The following NR6A1 variants were observed in gnomAD, a reference collection of about 807,000 sequenced individuals.
The protein encoded by NR6A1 is nuclear receptor subfamily 6 group A member 1, also known as retinoic acid receptor-related testis-associated receptor.
NR6A1 carries 7 observed loss-of-function variants against 59.1 expected under a neutral mutation model. The ratio of observed to expected loss-of-function variants is 0.12; its 90% CI spans 0.07 to 0.22. The LOEUF is 0.22. Among genes scored for constraint, NR6A1 ranks in the 10% least tolerant of loss-of-function variants. NR6A1 has a pLI of 1.00. For synonymous variants in NR6A1, 243 were observed against 236.1 expected, an observed-to-expected ratio of 1.03 and a Z score of -0.27; for missense variants, 468 against 611.6, an observed-to-expected ratio of 0.77 and a Z score of 2.48.
intron 2 of NR6A1, among the ~76,000 whole-genome samples, chr9:124,620,004 T>A (rs2130858879): frequency 6.6e-6 from 1 of 152,294 alleles, no homozygotes; most frequent in East Asian, 1.9e-4. Flanking sequence ...GAGGTTGCAG[T>A]GAGCCAAGAT....
chr9:124,522,660 C>T lies in NR6A1; in HGVS notation c.*45G>A. 2 of 1,492,516 alleles carry T rather than the reference C, an allele frequency of 1.3e-6. No individual in the cohort carries two copies. The highest frequency in any genetic ancestry group is 1.2e-5 in the South Asian group (1 of 82,362). The allele number at this position is 1,492,516 out of a possible 1,614,324, so 92.5% of individuals were successfully genotyped here. On this transcript the variant is annotated 3_prime_UTR_variant, in exon 10 of 10. Transcript: ENST00000487099. The stretch of plus-strand genomic sequence containing the variant: ...TTTTCCCTCCAGAGCCTGTCCTGCC[C>T]ACCCAAGACGCTGTGGTTGGCCTGA...
At chr9:124,729,063 G>C (rs1839809512) in intron 2 of NR6A1, among the ~76,000 whole-genome samples, 1 of 151,970 alleles carries the variant, frequency 6.6e-6, no homozygotes, top group Non-Finnish European at 1.5e-5. Context: ...TTGTTTAGTG[G>C]GAAAAAAACT....
At chr9:124,662,472 G>A (rs1346333346) in intron 2 of NR6A1, among the ~76,000 whole-genome samples, 6 of 152,136 alleles carry the variant, frequency 3.9e-5, no homozygotes, top group Middle Eastern at 3.4e-3. Context: ...TATATAGAAC[G>A]GCTCGCAGTG....
chr9:124,701,103 G>A (rs1344133102), intron 2 of NR6A1, among the ~76,000 whole-genome samples: 3 of 152,090 alleles, frequency 2.0e-5, no homozygotes, highest in African/African-American at 7.2e-5. Context: ...AATTCTCTTG[G>A]ATATCCAGGA....
At chr9:124,657,070 T>C (rs1487703615) in intron 2 of NR6A1, among the ~76,000 whole-genome samples, 1 of 151,984 alleles carries the variant, frequency 6.6e-6, no homozygotes, top group Non-Finnish European at 1.5e-5. Flanking sequence ...TTATGTTACA[T>C]ATACCTTACC....
chr9:124,683,422 A>C (rs922851533), intron 2 of NR6A1, among the ~76,000 whole-genome samples: 3 of 152,214 alleles, frequency 2.0e-5, no homozygotes, highest in Admixed American at 2.0e-4. Flanking sequence ...AGTAATTACA[A>C]TAATAGTAAC....
chr9:124,539,895 C>G, intron 5 of NR6A1, 138 bp downstream of exon 5: 1 of 965,234 alleles, frequency 1.0e-6, no homozygotes, highest in East Asian at 2.5e-5. Context: ...CTTCCTGACC[C>G]CTACTCCAAG....
intron 2 of NR6A1, among the ~76,000 whole-genome samples, chr9:124,584,415 T>A (rs947800188): frequency 9.9e-5 from 15 of 152,068 alleles, no homozygotes; most frequent in Admixed American, 2.0e-4. Flanking sequence ...CTTTATTGCA[T>A]TTTTTACAAA....
intron 2 of NR6A1, among the ~76,000 whole-genome samples, chr9:124,557,887 T>C (rs1251035400): frequency 6.6e-6 from 1 of 152,204 alleles, no homozygotes; most frequent in Non-Finnish European, 1.5e-5. Context: ...TTATAATGAA[T>C]ATATCCACAA....
intron 2 of NR6A1, among the ~76,000 whole-genome samples, chr9:124,612,818 TTTTC>T (rs1554733289): frequency 7.2e-6 from 1 of 139,716 alleles, no homozygotes; most frequent in African/African-American, 2.7e-5. Context: ...TCTTTCTTTC[TTTTC>T]TTTCTTTCTT....
At chr9:124,719,893 C>G (rs1839517095) in intron 2 of NR6A1, among the ~76,000 whole-genome samples, 2 of 152,030 alleles carry the variant, frequency 1.3e-5, no homozygotes, top group African/African-American at 2.4e-5. Flanking sequence ...TGCACTCCAG[C>G]CTGGGTGACA....
chr9:124,705,491 G>A (rs1427303072), intron 2 of NR6A1, among the ~76,000 whole-genome samples: 1 of 152,052 alleles, frequency 6.6e-6, no homozygotes, highest in Non-Finnish European at 1.5e-5. Flanking sequence ...CATTAATATA[G>A]TTACTCCAGC....
At chr9:124,538,524 T>C (rs1463633771) in intron 5 of NR6A1, among the ~76,000 whole-genome samples, 2 of 152,236 alleles carry the variant, frequency 1.3e-5, no homozygotes, top group Non-Finnish European at 2.9e-5. Flanking sequence ...TATATGAATG[T>C]TGGGGTCGCC....
At chr9:124,657,467 T>C (rs1837293648) in intron 2 of NR6A1, among the ~76,000 whole-genome samples, 1 of 152,212 alleles carries the variant, frequency 6.6e-6, no homozygotes, top group Non-Finnish European at 1.5e-5. Flanking sequence ...GTAGATTTCA[T>C]ATATCAGAGT....
At chr9:124,647,028 CCT>C (rs1328336403) in intron 2 of NR6A1, among the ~76,000 whole-genome samples, 2 of 152,198 alleles carry the variant, frequency 1.3e-5, no homozygotes, top group Non-Finnish European at 2.9e-5. Flanking sequence ...GATCTTCCTG[CCT>C]CTGTCTTCCC....
In NR6A1 at chr9:124,582,494, G is replaced by C. The variant is rs188850051; in HGVS notation, c.143-27924C>G. 2.9e-3 allele frequency among the ~76,000 whole-genome samples: 446 copies of C among 151,974 alleles called. 3 individuals carry two copies. Among genetic ancestry groups the C allele is most frequent in the Non-Finnish European group, 4.6e-3 (312 of 67,980 alleles). On this transcript the variant is annotated intron_variant, in intron 2 of 9. Transcript: ENST00000487099. ...AGGCTTAATACCTGGGTGATGAAAT[G>C]ATCTGTACAACAAACCTCCATGACA...
At chr9:124,596,946 A>G (rs1273417327) in intron 2 of NR6A1, among the ~76,000 whole-genome samples, 2 of 152,242 alleles carry the variant, frequency 1.3e-5, no homozygotes, top group African/African-American at 2.4e-5. Flanking sequence ...GTTTCATTCT[A>G]TGAAATCTCC....
At chr9:124,551,134 A>T (rs1833766132) in intron 3 of NR6A1, among the ~76,000 whole-genome samples, 1 of 152,050 alleles carries the variant, frequency 6.6e-6, no homozygotes, top group African/African-American at 2.4e-5. Context: ...CCTTGGAATC[A>T]ACCAGTTTTC....
intron 2 of NR6A1, among the ~76,000 whole-genome samples, chr9:124,645,309 T>C (rs1015565196): frequency 6.6e-6 from 1 of 152,224 alleles, no homozygotes; most frequent in Admixed American, 6.5e-5. Context: ...GTAATCACTT[T>C]GAACATCAAT....
Sources: allele counts gnomAD v4.1 joint callset (sites outside exome capture counted in the v4.1 genomes callset), GRCh38; gene constraint gnomAD v4.1.1; transcripts MANE v1.5; gene names NCBI Gene and HGNC (gene_info 2026-07-23, HGNC 2026-07-21).